ZZZ3: variants seen among roughly 807,000 people sequenced by gnomAD.
The protein encoded by ZZZ3 is zinc finger ZZ-type containing 3, also known as ZZ-type zinc finger-containing protein 3.
A neutral mutation model predicts 95.2 loss-of-function variants in ZZZ3; 22 were observed. That is an observed-to-expected ratio of 0.23 (90% CI 0.17 to 0.33). ZZZ3 has a LOEUF of 0.33. ZZZ3 is among the 10% of genes least tolerant of loss of function. The pLI is 1.00. For missense variants in ZZZ3, 885 were observed against 1,066.5 expected, an observed-to-expected ratio of 0.83 and a Z score of 2.37; for synonymous variants, 335 against 358.9, an observed-to-expected ratio of 0.93 and a Z score of 0.75.
At chr1:77,605,800 T>G (rs12060630) in intron 5 of ZZZ3, among the ~76,000 whole-genome samples, 2,979 of 152,200 alleles carry the variant, frequency 0.02, 113 homozygotes, top group African/African-American at 0.068. Flanking sequence ...ATTTGCTGAC[T>G]AAAGAGCCTG....
At chr1:77,586,110 G>A (rs1424675325) in intron 5 of ZZZ3, among the ~76,000 whole-genome samples, 1 of 152,142 alleles carries the variant, frequency 6.6e-6, no homozygotes, top group Admixed American at 6.5e-5. Context: ...TTTGCTTTGA[G>A]GTGTATGCAG....
chr1:77,572,112 C>A (rs1362988499), intron 12 of ZZZ3, among the ~76,000 whole-genome samples: 3 of 152,128 alleles, frequency 2.0e-5, no homozygotes, highest in African/African-American at 7.2e-5. Flanking sequence ...AAAAGAGAAA[C>A]TAAAATCTAT....
chr1:77,566,537 G>A (rs900573452), intron 13 of ZZZ3, among the ~76,000 whole-genome samples: 2 of 152,158 alleles, frequency 1.3e-5, no homozygotes, highest in African/African-American at 2.4e-5. Flanking sequence ...TGATGACTAT[G>A]GTTGAGAAAC....
intron 1 of ZZZ3, among the ~76,000 whole-genome samples, chr1:77,655,623 GAGAC>G (rs1423615424): frequency 6.6e-6 from 1 of 152,182 alleles, no homozygotes; most frequent in Non-Finnish European, 1.5e-5. Context: ...AATAGCTAAT[GAGAC>G]AGACAAACAG....
intron 5 of ZZZ3, 98 bp downstream of exon 5, chr1:77,631,752 A>G: frequency 9.9e-7 from 1 of 1,015,184 alleles, no homozygotes; most frequent in African/African-American, 1.6e-5. Flanking sequence ...TAGTGAAAAC[A>G]TTAATTTTGG....
chr1:77,647,030 T>C (rs1033739640), intron 1 of ZZZ3, among the ~76,000 whole-genome samples: 12 of 152,154 alleles, frequency 7.9e-5, no homozygotes, highest in African/African-American at 2.9e-4. Flanking sequence ...AAGACATCCA[T>C]AGGCAAGGGT....
At chr1:77,656,482 TC>T (rs1431565234) in intron 1 of ZZZ3, among the ~76,000 whole-genome samples, 2 of 152,174 alleles carry the variant, frequency 1.3e-5, no homozygotes, top group Non-Finnish European at 2.9e-5. Context: ...AATAAAATAA[TC>T]TAAAGGAGAC....
chr1:77,618,689 G>T (rs964425131), intron 5 of ZZZ3, among the ~76,000 whole-genome samples: 2 of 152,112 alleles, frequency 1.3e-5, no homozygotes, highest in African/African-American at 4.8e-5. Flanking sequence ...GTGAATTTCT[G>T]ATTCCTGCAA....
intron 9 of ZZZ3, 27 bp from the exon 10 acceptor site, chr1:77,579,655 A>T: frequency 1.6e-6 from 2 of 1,270,580 alleles, no homozygotes; most frequent in Non-Finnish European, 1.1e-6. Flanking sequence ...ACCAAATTTA[A>T]GAAAATATGT....
intron 6 of ZZZ3, 32 bp downstream of exon 6, chr1:77,584,485 T>C (rs1662875550): frequency 2.5e-6 from 4 of 1,573,528 alleles, no homozygotes; most frequent in Admixed American, 2.0e-5. Context: ...CAAATAGATC[T>C]TAGTAAATCT....
intron 13 of ZZZ3, among the ~76,000 whole-genome samples, chr1:77,567,902 T>C (rs951670090): frequency 1.3e-5 from 2 of 152,214 alleles, no homozygotes; most frequent in Non-Finnish European, 2.9e-5. Flanking sequence ...CCTGTATGTC[T>C]GTCTTCACTC....
chr1:77,656,177 C>T (rs544886692), intron 1 of ZZZ3, among the ~76,000 whole-genome samples: 2 of 152,314 alleles, frequency 1.3e-5, no homozygotes, highest in African/African-American at 4.8e-5. Context: ...AGCTGCCTAA[C>T]TGTATACTGC....
chr1:77,566,476 G>A (rs1260761960), intron 13 of ZZZ3, among the ~76,000 whole-genome samples: 1 of 152,114 alleles, frequency 6.6e-6, no homozygotes, highest in Non-Finnish European at 1.5e-5. Flanking sequence ...TCCAACTTGG[G>A]TGTTTTGTTA....
chr1:77,676,324 A>G (rs547730326), intron 1 of ZZZ3, among the ~76,000 whole-genome samples: 2 of 152,280 alleles, frequency 1.3e-5, no homozygotes, highest in Admixed American at 6.5e-5. Context: ...ACGCCACCAC[A>G]CCAGGCTAAT....
At chr1:77,630,255 A>G (rs558921542) in intron 5 of ZZZ3, among the ~76,000 whole-genome samples, 66 of 152,170 alleles carry the variant, frequency 4.3e-4, no homozygotes, top group East Asian at 1.2e-3. Context: ...GGGAGGATCA[A>G]TCGAGCCCAG....
chr1:77,652,488 G>T (rs988350979), intron 1 of ZZZ3, among the ~76,000 whole-genome samples: 1 of 152,162 alleles, frequency 6.6e-6, no homozygotes, highest in Admixed American at 6.5e-5. Context: ...CTCATACATT[G>T]CTGGTAGGAA....
chr1:77,586,160 G>A (rs1344139431), intron 5 of ZZZ3, among the ~76,000 whole-genome samples: 3 of 152,182 alleles, frequency 2.0e-5, no homozygotes, highest in Non-Finnish European at 4.4e-5. Flanking sequence ...CTACTAAGCA[G>A]GCTCACATAG....
intron 5 of ZZZ3, among the ~76,000 whole-genome samples, chr1:77,622,609 C>T (rs925229028): frequency 3.9e-5 from 6 of 152,010 alleles, no homozygotes; most frequent in African/African-American, 9.7e-5. Context: ...CTAACAAATA[C>T]GTAATTTCTT....
chr1:77,640,261 T>C (rs1668652824), intron 3 of ZZZ3, among the ~76,000 whole-genome samples: 1 of 152,050 alleles, frequency 6.6e-6, no homozygotes, highest in African/African-American at 2.4e-5. Flanking sequence ...CTTAGAACAG[T>C]CTGGTTAATT....
Sources: gnomAD v4.1 joint callset for allele counts (sites outside exome capture counted in the v4.1 genomes callset) on GRCh38, gnomAD v4.1.1 for gene constraint, MANE v1.5 for transcripts, NCBI Gene and HGNC (gene_info 2026-07-23, HGNC 2026-07-21) for gene names.